Variants in HPSE2 observed in about 807,000 individuals in gnomAD.
The protein encoded by HPSE2 is inactive heparanase-2.
A neutral mutation model predicts 60.5 loss-of-function variants in HPSE2; 38 were observed. That is an observed-to-expected ratio of 0.63 (90% CI 0.48 to 0.82). The LOEUF (loss-of-function observed/expected upper bound fraction) is 0.82, where lower values mean the gene tolerates loss of function less well. Among genes scored for constraint, HPSE2 ranks in the 40% least tolerant of loss-of-function variants. HPSE2 has a pLI of 0.00. For synonymous variants in HPSE2, 295 were observed against 293.2 expected, an observed-to-expected ratio of 1.01 and a Z score of -0.06; for missense variants, 713 against 740.4, an observed-to-expected ratio of 0.96 and a Z score of 0.43.
chr10:98,548,733 A>G (rs1381045198), intron 9 of HPSE2, among the ~76,000 whole-genome samples: 1 of 152,216 alleles, frequency 6.6e-6, no homozygotes, highest in East Asian at 1.9e-4. Context: ...CACACTTGGA[A>G]GCTGAGATGT....
At chr10:99,034,455 A>G (rs1006031406) in intron 3 of HPSE2, among the ~76,000 whole-genome samples, 1 of 152,206 alleles carries the variant, frequency 6.6e-6, no homozygotes, top group Non-Finnish European at 1.5e-5. Flanking sequence ...TCAAACCCAT[A>G]GAACTGTACA....
chr10:98,755,709 A>G (rs950228705), intron 3 of HPSE2, among the ~76,000 whole-genome samples: 2 of 152,144 alleles, frequency 1.3e-5, no homozygotes, highest in Non-Finnish European at 2.9e-5. Context: ...TACTAAACAG[A>G]TCTCTTGGCT....
At position 99,102,523 on chromosome 10, in the gene HPSE2, A is replaced by T. The variant is rs188102406; in HGVS notation, c.610+41715T>A. Among the ~76,000 whole-genome samples, 477 of 152,326 alleles carry T rather than the reference A, an allele frequency of 3.1e-3. 3 individuals are homozygous for T. The highest frequency in any genetic ancestry group is 0.011 in the African/African-American group (458 of 41,580). ...CCAACCAAAAAAAGGCCAGGACCAG[A>T]TGGATTCACAGCCGAATTCTACCAG... On this transcript the variant is annotated intron_variant, in intron 3 of 11. Transcript: ENST00000370552.
intron 3 of HPSE2, among the ~76,000 whole-genome samples, chr10:99,026,626 T>C (rs1246682130): frequency 6.6e-6 from 1 of 151,970 alleles, no homozygotes; most frequent in East Asian, 1.9e-4. Flanking sequence ...CAAATGGATC[T>C]GAGATATTTA....
chr10:99,156,257 A>C (rs1218966265), intron 2 of HPSE2, among the ~76,000 whole-genome samples: 2 of 118,296 alleles, frequency 1.7e-5, no homozygotes, highest in Admixed American at 1.8e-4. Flanking sequence ...TTATGAGGCC[A>C]GCATCATTCT....
intron 5 of HPSE2, among the ~76,000 whole-genome samples, chr10:98,703,958 G>A (rs1473664626): frequency 6.6e-6 from 1 of 152,116 alleles, no homozygotes; most frequent in Non-Finnish European, 1.5e-5. Flanking sequence ...ATTCAAATAG[G>A]AAGAGAGGAA....
At chr10:98,840,503 G>A (rs1951884610) in intron 3 of HPSE2, among the ~76,000 whole-genome samples, 1 of 152,150 alleles carries the variant, frequency 6.6e-6, no homozygotes, top group Admixed American at 6.5e-5. Context: ...AGATAATAAG[G>A]GCTTCGACTA....
intron 7 of HPSE2, among the ~76,000 whole-genome samples, chr10:98,624,408 G>A (rs530495860): frequency 2.0e-5 from 3 of 152,246 alleles, no homozygotes; most frequent in Non-Finnish European, 2.9e-5. Flanking sequence ...AAATAGGTCT[G>A]CTGTTTTTAG....
At chr10:99,291,181 A>C in the HPSE2 span, among the ~76,000 whole-genome samples, 1 of 152,174 alleles carries the variant, frequency 6.6e-6, no homozygotes, top group South Asian at 2.1e-4. Flanking sequence ...ATGAATTAGC[A>C]CACAAGGCCA....
At chr10:99,227,800 A>T (rs1379100395) in intron 2 of HPSE2, among the ~76,000 whole-genome samples, 5 of 148,178 alleles carry the variant, frequency 3.4e-5, no homozygotes, top group Non-Finnish European at 6.0e-5. Context: ...GGAAAGGTAA[A>T]ATATATATAT....
intron 2 of HPSE2, among the ~76,000 whole-genome samples, chr10:99,208,488 C>T (rs1364389676): frequency 1.3e-5 from 2 of 151,968 alleles, no homozygotes; most frequent in Non-Finnish European, 2.9e-5. Context: ...AATTCAAGAC[C>T]AGCCTGGGCA....
chr10:98,599,112 G>A (rs1392523545), intron 9 of HPSE2, among the ~76,000 whole-genome samples: 1 of 152,144 alleles, frequency 6.6e-6, no homozygotes, highest in Non-Finnish European at 1.5e-5. Context: ...GCTGGAGCTT[G>A]GGGCCACAGA....
At chr10:98,589,488 T>C (rs184716770) in intron 9 of HPSE2, among the ~76,000 whole-genome samples, 96 of 152,330 alleles carry the variant, frequency 6.3e-4, no homozygotes, top group Middle Eastern at 3.4e-3. Flanking sequence ...CTCATCACTT[T>C]TTAGCATGAG....
chr10:98,795,520 A>T (rs1950760902), intron 3 of HPSE2, among the ~76,000 whole-genome samples: 1 of 152,232 alleles, frequency 6.6e-6, no homozygotes, highest in South Asian at 2.1e-4. Context: ...TAGCAGTCAG[A>T]GCTTGAGTTT....
chr10:98,504,090 T>A (rs1473037890), intron 9 of HPSE2, among the ~76,000 whole-genome samples: 1 of 152,202 alleles, frequency 6.6e-6, no homozygotes, highest in Non-Finnish European at 1.5e-5. Flanking sequence ...TAAATATAGC[T>A]TTGAATTCGT....
chr10:98,476,948 T>C lies in HPSE2; in HGVS notation c.1613+5688A>G, dbSNP rs547682738. On this transcript the variant is annotated intron_variant, in intron 11 of 11. Transcript: ENST00000370552. ...TATGATGAAATGAACCCAGACAATA[T>C]CATGACAGAGTCCAGTTATCCATAT... is the stretch of plus-strand genomic sequence containing the variant. Among the ~76,000 whole-genome samples the C allele has an allele frequency of 4.6e-5, 7 of 152,278 alleles. No homozygotes were observed. In the South Asian group the frequency reaches 1.5e-3, roughly 32 times the overall value.
intron 5 of HPSE2, among the ~76,000 whole-genome samples, chr10:98,717,750 GA>G (rs1262218585): frequency 6.6e-6 from 1 of 151,938 alleles, no homozygotes; most frequent in African/African-American, 2.4e-5. Flanking sequence ...TAATAATAAT[GA>G]AAAAACGTGA....
intron 2 of HPSE2, among the ~76,000 whole-genome samples, chr10:99,200,816 T>C (rs1848551136): frequency 6.6e-6 from 1 of 152,130 alleles, no homozygotes; most frequent in Non-Finnish European, 1.5e-5. Flanking sequence ...CCCCTCTATA[T>C]TAACTAGATT....
intron 5 of HPSE2, among the ~76,000 whole-genome samples, chr10:98,713,982 A>G (rs1472415744): frequency 6.6e-6 from 1 of 151,712 alleles, no homozygotes; most frequent in Non-Finnish European, 1.5e-5. Context: ...ATTTCTATCA[A>G]CTGTCCCTTT....
Sources: gnomAD v4.1 joint callset for allele counts (sites outside exome capture counted in the v4.1 genomes callset) on GRCh38, gnomAD v4.1.1 for gene constraint, MANE v1.5 for transcripts, NCBI Gene and HGNC (gene_info 2026-07-23, HGNC 2026-07-21) for gene names.